LOC400499: variants seen among roughly 807,000 people sequenced by gnomAD.
chr16:11,415,749 G>A, the LOC400499 span, among the ~76,000 whole-genome samples: 106 of 152,184 alleles, frequency 7.0e-4, no homozygotes, highest in African/African-American at 2.4e-3. Context: ...TCTTGGCTGG[G>A]GGCGGCCATA....
At chr16:11,396,530 T>A in the LOC400499 span, 1 of 1,232,070 alleles carries the variant, frequency 8.1e-7, no homozygotes, top group Non-Finnish European at 1.0e-6. Flanking sequence ...CCCGGAGAAG[T>A]CAGCTGAACG....
the LOC400499 span, chr16:11,450,540 G>A: frequency 1.0e-4 from 147 of 1,458,910 alleles, no homozygotes; most frequent in South Asian, 1.1e-3. Flanking sequence ...GCTTTCATCC[G>A]CCTCTGCACC....
chr16:11,399,549 G>C, the LOC400499 span: 1 of 398,814 alleles, frequency 2.5e-6, no homozygotes, highest in Non-Finnish European at 4.4e-6. Context: ...GCTGGGGTCT[G>C]CGTGAAGGCC....
At chr16:11,471,637 T>G in the LOC400499 span, 1 of 399,070 alleles carries the variant, frequency 2.5e-6, no homozygotes, top group South Asian at 1.3e-4. Context: ...AAGACGGGGC[T>G]GTTGTCTAGG....
At chr16:11,385,368 C>T in the LOC400499 span, 15 of 1,232,284 alleles carry the variant, frequency 1.2e-5, no homozygotes, top group Admixed American at 1.3e-4. Context: ...GTCCCATACC[C>T]GGCCGTCGAA....
chr16:11,426,921 A>C, the LOC400499 span, among the ~76,000 whole-genome samples: 1 of 141,198 alleles, frequency 7.1e-6, no homozygotes, highest in Non-Finnish European at 1.5e-5. Context: ...AAGGCATAAA[A>C]ATCAAAATGG....
chr16:11,383,545 T>C, the LOC400499 span: 1 of 1,180,354 alleles, frequency 8.5e-7, no homozygotes, highest in Non-Finnish European at 1.1e-6. Context: ...ATGACAATTA[T>C]TTGTCCTCCC....
chr16:11,385,110 G>T, the LOC400499 span: 1 of 1,231,854 alleles, frequency 8.1e-7, no homozygotes, highest in Admixed American at 4.2e-5. Flanking sequence ...CCCACAGCCA[G>T]GTGACAAGCT....
At chr16:11,390,209 A>G in the LOC400499 span, 1 of 1,232,418 alleles carries the variant, frequency 8.1e-7, no homozygotes, top group Non-Finnish European at 1.0e-6. Flanking sequence ...CGGCCTGGAG[A>G]GGGAGGGGAC....
At chr16:11,487,149 G>C in the LOC400499 span, 1 of 397,656 alleles carries the variant, frequency 2.5e-6, no homozygotes, top group African/African-American at 2.1e-5. Flanking sequence ...TAGGGGAGGA[G>C]ATTGAACAAT....
At chr16:11,421,922 C>G in the LOC400499 span, among the ~76,000 whole-genome samples, 1 of 152,176 alleles carries the variant, frequency 6.6e-6, no homozygotes, top group Non-Finnish European at 1.5e-5. Flanking sequence ...AACGGTTTTA[C>G]ATTATTACAC....
chr16:11,505,497 A>G, the LOC400499 span, among the ~76,000 whole-genome samples: 8 of 115,228 alleles, frequency 6.9e-5, no homozygotes, highest in African/African-American at 2.8e-4. Flanking sequence ...TCTGTCACCC[A>G]GGCTGGAGTG....
the LOC400499 span, among the ~76,000 whole-genome samples, chr16:11,475,441 T>C: frequency 7.9e-5 from 12 of 152,222 alleles, no homozygotes; most frequent in African/African-American, 2.4e-4. Flanking sequence ...TTTCCAAGCA[T>C]GTCCTTAACC....
the LOC400499 span, among the ~76,000 whole-genome samples, chr16:11,375,633 G>A: frequency 2.6e-5 from 4 of 151,876 alleles, no homozygotes; most frequent in Non-Finnish European, 4.4e-5. Context: ...GTTTTGGTTT[G>A]AGTTCCCCTA....
the LOC400499 span, among the ~76,000 whole-genome samples, chr16:11,408,921 A>C: frequency 3.9e-5 from 6 of 152,204 alleles, no homozygotes; most frequent in South Asian, 4.2e-4. Flanking sequence ...GTGGGTATGC[A>C]CTGTAAAATT....
the LOC400499 span, among the ~76,000 whole-genome samples, chr16:11,518,214 C>A: frequency 6.6e-6 from 1 of 152,168 alleles, no homozygotes; most frequent in African/African-American, 2.4e-5. Context: ...CAGCAGCATC[C>A]CCCATCCTGG....
the LOC400499 span, among the ~76,000 whole-genome samples, chr16:11,527,084 A>G: frequency 6.6e-6 from 1 of 152,232 alleles, no homozygotes; most frequent in East Asian, 1.9e-4. Flanking sequence ...AGACAGGACC[A>G]GGAACGCGCA....
chr16:11,382,138 A>G, the LOC400499 span, among the ~76,000 whole-genome samples: 3 of 151,564 alleles, frequency 2.0e-5, no homozygotes, highest in Non-Finnish European at 4.4e-5. Flanking sequence ...GGGTTTCGCC[A>G]TGTTGGCCAG....
the LOC400499 span, among the ~76,000 whole-genome samples, chr16:11,380,298 C>A: frequency 6.6e-6 from 1 of 151,068 alleles, no homozygotes; most frequent in Non-Finnish European, 1.5e-5. Flanking sequence ...ATAATGAACT[C>A]TCTCAGCTTT....
Sources: allele counts gnomAD v4.1 joint callset (sites outside exome capture counted in the v4.1 genomes callset), GRCh38; gene constraint gnomAD v4.1.1; transcripts MANE v1.5.